ZSWIM6: variants seen among roughly 807,000 people sequenced by gnomAD.
The protein encoded by ZSWIM6 is zinc finger SWIM-type containing 6, also known as zinc finger SWIM domain-containing protein 6.
A neutral mutation model predicts 113.2 loss-of-function variants in ZSWIM6; 9 were observed. The ratio of observed to expected loss-of-function variants is 0.08; its 90% confidence interval spans 0.05 to 0.14. The LOEUF (loss-of-function observed/expected upper bound fraction) is 0.14. Ranked by LOEUF, ZSWIM6 falls within the 10% of genes least tolerant of loss-of-function variation. The probability of loss-of-function intolerance (pLI) is 1.00; values close to 1 mark genes in which losing one functional copy is unlikely to be tolerated. For synonymous variants in ZSWIM6, 611 were observed against 606.5 expected (o/e 1.01, Z -0.11); for missense variants, 1,162 against 1,552.2 (o/e 0.75, Z 4.22).
intron 3 of ZSWIM6, 117 bp from the exon 4 acceptor site, chr5:61,494,143 C>G: frequency 1.8e-6 from 2 of 1,129,590 alleles, no homozygotes; most frequent in South Asian, 3.0e-5. Context: ...CACACACACA[C>G]ACGGAGAGAG....
chr5:61,347,949 T>C (rs1299777181), intron 1 of ZSWIM6, among the ~76,000 whole-genome samples: 1 of 152,270 alleles, frequency 6.6e-6, no homozygotes, highest in African/African-American at 2.4e-5. Context: ...GGGCCGGGCA[T>C]GGTGGCTCAC....
Position 61,539,621 on chromosome 5 carries a change from A to G in ZSWIM6, c.2565A>G (p.Val855=), listed in dbSNP as rs1176831545. The change falls in exon 12 of 14, where the codon GTA becomes GTG. Residue 855 remains valine, a synonymous_variant. Coordinates refer to ENST00000252744, the MANE Select transcript of ZSWIM6 (RefSeq NM_020928.2). ...AKGDVRRLET[V]LESIQKNIHS... is the part of the protein sequence containing the mutation. ...GCGATGTTCGGAGGCTGGAAACAGT[A>G]TTAGAATCCATCCAGAAAAACATTC... 56 of 1,551,786 alleles carry G rather than the reference A, an allele frequency of 3.6e-5. No homozygotes were observed. Among genetic ancestry groups the G allele is most frequent in the Non-Finnish European group, 4.7e-5 (54 of 1,147,024 alleles).
At position 61,356,991 on chromosome 5, in the gene ZSWIM6, A is replaced by G. The variant is rs116693099; in HGVS notation, c.676+24043A>G. On this transcript the variant is annotated intron_variant, in intron 1 of 13. Transcript: ENST00000252744. ...AGATGGTCAATTCTTTGTTTTTTGT[A>G]GTATTTTTCAAAATGTAGTCTCCGG... is the stretch of plus-strand genomic sequence containing the variant. Among the ~76,000 whole-genome samples the G allele has an allele frequency of 4.0e-3, 612 of 151,806 alleles. 1 individual carries two copies. The highest frequency in any genetic ancestry group is 0.014 in the African/African-American group (582 of 41,418).
chr5:61,458,365 T>C (rs1747253211), intron 1 of ZSWIM6, among the ~76,000 whole-genome samples: 1 of 152,202 alleles, frequency 6.6e-6, no homozygotes, highest in African/African-American at 2.4e-5. Flanking sequence ...AGTTTGAGAA[T>C]CTATGAGGAG....
chr5:61,399,706 A>C (rs990139668), intron 1 of ZSWIM6, among the ~76,000 whole-genome samples: 18 of 152,334 alleles, frequency 1.2e-4, no homozygotes, highest in African/African-American at 3.6e-4. Flanking sequence ...TCTTGTCCTA[A>C]ACACTGTAAT....
Position 61,543,355 on chromosome 5 carries a change from G to A in ZSWIM6, c.2786-100G>A, listed in dbSNP as rs992661303. 5.1e-6 allele frequency: 7 copies of A among 1,376,222 alleles called. No individual in the cohort carries two copies. Among genetic ancestry groups the A allele is most frequent in the East Asian group, 2.5e-5 (1 of 39,694 alleles). The allele number at this position is 1,376,222 out of a possible 1,614,324, so 85.3% of individuals were successfully genotyped here. Reference sequence around the variant, plus strand: ...TTTTCTAGCCTAGCTCATGTCCTATGATGGTTAACAATGTAAACACTGGTT... The same window carrying A: ...TTTTCTAGCCTAGCTCATGTCCTATAATGGTTAACAATGTAAACACTGGTT... On this transcript the variant is annotated intron_variant, in intron 13 of 13. Coordinates refer to ENST00000252744, the MANE Select transcript of ZSWIM6 (RefSeq NM_020928.2). The surrounding 1 kb of genome is among the most constrained non-coding windows in gnomAD (Gnocchi z 4.3).
At position 61,490,233 on chromosome 5, in the gene ZSWIM6, G is replaced by C. The variant is rs140762009; in HGVS notation, c.1034-553G>C. On this transcript the variant is annotated intron_variant, in intron 2 of 13. Coordinates refer to ENST00000252744, the MANE Select transcript of ZSWIM6 (RefSeq NM_020928.2). ...GTTTGGCAAGGTGATACTACAACCT[G>C]GTTTAATACAACAGCTGCACTGCCT... is the stretch of plus-strand genomic sequence containing the variant. Among the ~76,000 whole-genome samples, 143 of 152,044 alleles carry C rather than the reference G, an allele frequency of 9.4e-4. 2 individuals are homozygous for C. In the East Asian group the frequency reaches 0.027, roughly 29 times the overall value.
intron 4 of ZSWIM6, among the ~76,000 whole-genome samples, chr5:61,507,721 A>C (rs1396588092): frequency 6.6e-6 from 1 of 152,130 alleles, no homozygotes; most frequent in Admixed American, 6.6e-5. Flanking sequence ...TATATGGGAG[A>C]GACATGTTCT....
In ZSWIM6 at chr5:61,427,922, T is replaced by A. The variant is rs190854378; in HGVS notation, c.677-44759T>A. 1.1e-4 allele frequency among the ~76,000 whole-genome samples: 17 copies of A among 152,056 alleles called. 1 individual carries two copies. Among genetic ancestry groups the A allele is most frequent in the Admixed American group, 4.6e-4 (7 of 15,266 alleles). On this transcript the variant is annotated intron_variant, in intron 1 of 13. Coordinates refer to ENST00000252744, the MANE Select transcript of ZSWIM6 (RefSeq NM_020928.2). The stretch of plus-strand genomic sequence containing the variant: ...TCAAACTTCTTATATTTAACATGAT[T>A]TTTTTTTTCTGACAGAGTCCATAAA...
At chr5:61,454,214 AATTTTATTTTATTTTATTTT>A (rs140502029) in intron 1 of ZSWIM6, among the ~76,000 whole-genome samples, 1,295 of 128,486 alleles carry the variant, frequency 0.01, 13 homozygotes, top group Non-Finnish European at 0.013. Context: ...GAGTTCCCTA[AATTTTATTTTATTTTATTTT>A]ATTTTATTTT....
chr5:61,531,949 T>C (rs1749446902), intron 9 of ZSWIM6, among the ~76,000 whole-genome samples: 2 of 152,232 alleles, frequency 1.3e-5, no homozygotes, highest in South Asian at 4.1e-4. Flanking sequence ...TTATATATGA[T>C]AGCCTATTAC....
At chr5:61,475,112 G>T (rs762409098) in intron 2 of ZSWIM6, among the ~76,000 whole-genome samples, 4 of 152,186 alleles carry the variant, frequency 2.6e-5, no homozygotes, top group Non-Finnish European at 4.4e-5. Context: ...TCATCCCAGA[G>T]ATTTCTCTGT....
At chr5:61,430,293 A>C (rs1746552536) in intron 1 of ZSWIM6, among the ~76,000 whole-genome samples, 2 of 152,004 alleles carry the variant, frequency 1.3e-5, no homozygotes, top group South Asian at 4.1e-4. Flanking sequence ...TATCAAAATG[A>C]TTTTCCATTT....
chr5:61,458,324 T>C (rs1747252726), intron 1 of ZSWIM6, among the ~76,000 whole-genome samples: 2 of 152,244 alleles, frequency 1.3e-5, no homozygotes, highest in African/African-American at 4.8e-5. Context: ...TTTTGGCTGC[T>C]TTTGACTTAC....
intron 1 of ZSWIM6, among the ~76,000 whole-genome samples, chr5:61,340,326 A>G (rs1460657964): frequency 6.6e-6 from 1 of 152,194 alleles, no homozygotes; most frequent in Non-Finnish European, 1.5e-5. Context: ...TGTGTCAGCT[A>G]ATGTATGTGT....
intron 10 of ZSWIM6, among the ~76,000 whole-genome samples, chr5:61,535,919 C>A (rs1288363437): frequency 3.3e-5 from 5 of 152,154 alleles, no homozygotes; most frequent in African/African-American, 1.2e-4. Flanking sequence ...ACAGTTGAAA[C>A]CTTCATAAAT....
intron 1 of ZSWIM6, among the ~76,000 whole-genome samples, chr5:61,380,709 T>C (rs866276635): frequency 5.3e-5 from 8 of 152,204 alleles, no homozygotes; most frequent in Admixed American, 3.9e-4. Flanking sequence ...TATACTGTTA[T>C]GCACTGGCCA....
intron 1 of ZSWIM6, chr5:61,375,489 GAAAC>G (rs1177770934): frequency 1.3e-6 from 2 of 1,556,200 alleles, no homozygotes; most frequent in Non-Finnish European, 1.7e-6. Flanking sequence ...ATGAGGATAA[GAAAC>G]AAGGAAAACA....
At chr5:61,428,156 A>G (rs1746501422) in intron 1 of ZSWIM6, among the ~76,000 whole-genome samples, 2 of 152,194 alleles carry the variant, frequency 1.3e-5, no homozygotes, top group Admixed American at 1.3e-4. Context: ...TCTAATTTAT[A>G]CAGAACTTCC....
Sources: gnomAD v4.1 joint callset for allele counts (sites outside exome capture counted in the v4.1 genomes callset) on GRCh38, gnomAD v4.1.1 for gene constraint, Gnocchi (gnomAD v3.1) non-coding constraint, MANE v1.5 for transcripts, NCBI Gene and HGNC (gene_info 2026-07-23, HGNC 2026-07-21) for gene names.